The following AGMO variants were observed in gnomAD, a reference collection of about 807,000 sequenced individuals.
AGMO encodes glyceryl-ether monooxygenase.
AGMO carries 75 observed loss-of-function variants against 60.2 expected under a neutral mutation model. The observed-to-expected ratio is 1.25, with a 90% CI of 1.03 to 1.51. AGMO has a LOEUF of 1.51. AGMO is among the 40% of genes most tolerant of loss of function. The pLI, the probability that AGMO is intolerant of heterozygous loss-of-function variation, is 0.00. For missense variants in AGMO, 763 were observed against 525.5 expected (o/e 1.45, Z -4.42); for synonymous variants, 261 against 177.1 (o/e 1.47, Z -3.76).
At chr7:15,287,689 T>C (rs1014483174) in intron 12 of AGMO, among the ~76,000 whole-genome samples, 2 of 152,188 alleles carry the variant, frequency 1.3e-5, no homozygotes, top group Admixed American at 1.3e-4. Context: ...ACTACTTACA[T>C]GTAGGCACCA....
intron 3 of AGMO, among the ~76,000 whole-genome samples, chr7:15,517,355 A>C (rs1455080589): frequency 6.6e-6 from 1 of 150,944 alleles, no homozygotes; most frequent in Admixed American, 6.6e-5. Context: ...TTTTTTATTA[A>C]GGCACCCAGA....
At chr7:15,336,351 G>T (rs1485385972) in intron 12 of AGMO, among the ~76,000 whole-genome samples, 4 of 150,804 alleles carry the variant, frequency 2.7e-5, no homozygotes, top group African/African-American at 9.8e-5. Context: ...CTATTTTAAG[G>T]TTTATTTGTT....
intron 12 of AGMO, among the ~76,000 whole-genome samples, chr7:15,202,975 A>G (rs927184097): frequency 1.4e-4 from 22 of 152,172 alleles, no homozygotes; most frequent in Non-Finnish European, 1.5e-5. Context: ...CTATAATATC[A>G]GAGTAAATAA....
At position 15,430,499 on chromosome 7, in the gene AGMO, T is replaced by C. The variant is rs186566329; in HGVS notation, c.513+506A>G. Among the ~76,000 whole-genome samples the C allele has an allele frequency of 6.5e-4, 99 of 151,740 alleles. 1 individual carries two copies. In the East Asian group the frequency reaches 0.016, roughly 25 times the overall value. On this transcript the variant is annotated intron_variant, in intron 4 of 12. Coordinates refer to ENST00000342526, the MANE Select transcript of AGMO (RefSeq NM_001004320.2). ...TCATTAATCTTGTAATTTCCTTGTGTGAGAATATTTTAGAGCCAAAAATTT... is the reference window on the plus strand; with the variant it reads ...TCATTAATCTTGTAATTTCCTTGTGCGAGAATATTTTAGAGCCAAAAATTT...
intron 10 of AGMO, among the ~76,000 whole-genome samples, chr7:15,378,716 CCACCCAGAGTTCTGG>C (rs1204409808): frequency 6.7e-6 from 1 of 149,332 alleles, no homozygotes; most frequent in Non-Finnish European, 1.5e-5. Flanking sequence ...TCAGAACTCT[CCACCCAGAGTTCTGG>C]GTGGCAAAAT....
At chr7:15,391,191 T>A (rs1157295056) in intron 6 of AGMO, among the ~76,000 whole-genome samples, 4 of 152,154 alleles carry the variant, frequency 2.6e-5, no homozygotes, top group African/African-American at 9.6e-5. Flanking sequence ...AATAATTTTT[T>A]CAGGACCATT....
chr7:15,165,387 A>T, the AGMO span, among the ~76,000 whole-genome samples: 1 of 152,166 alleles, frequency 6.6e-6, no homozygotes, highest in African/African-American at 2.4e-5. Context: ...TATAAACATT[A>T]AAAAATTCTG....
the AGMO span, among the ~76,000 whole-genome samples, chr7:15,128,451 CTG>C: frequency 6.6e-6 from 1 of 151,974 alleles, no homozygotes; most frequent in African/African-American, 2.4e-5. Flanking sequence ...GCCTATAAAA[CTG>C]TTGTTTATAT....
chr7:15,247,457 C>G (rs187736631), intron 12 of AGMO, among the ~76,000 whole-genome samples: 60,105 of 115,994 alleles, frequency 0.52, 15,091 homozygotes, highest in Admixed American at 0.62. Flanking sequence ...CACACACACA[C>G]ACAGAGAGAG....
At chr7:15,285,566 TCA>T in intron 12 of AGMO, among the ~76,000 whole-genome samples, 1 of 152,078 alleles carries the variant, frequency 6.6e-6, no homozygotes, top group East Asian at 1.9e-4. Flanking sequence ...CTGAAAGAAA[TCA>T]CAGATGACAC....
intron 6 of AGMO, among the ~76,000 whole-genome samples, chr7:15,393,324 G>C (rs1784226842): frequency 6.6e-6 from 1 of 152,118 alleles, no homozygotes; most frequent in African/African-American, 2.4e-5. Flanking sequence ...CAGAACAATA[G>C]CATTTACTTA....
intron 3 of AGMO, among the ~76,000 whole-genome samples, chr7:15,529,264 A>G (rs1032609650): frequency 4.0e-5 from 6 of 151,680 alleles, no homozygotes; most frequent in African/African-American, 1.5e-4. Context: ...TTCAACATAC[A>G]TGGAAAGTAT....
At chr7:15,226,196 A>G (rs1782076439) in intron 12 of AGMO, among the ~76,000 whole-genome samples, 1 of 152,032 alleles carries the variant, frequency 6.6e-6, no homozygotes, top group South Asian at 2.1e-4. Context: ...TTTGAACTCT[A>G]TGTTACCTTT....
intron 12 of AGMO, among the ~76,000 whole-genome samples, chr7:15,295,224 T>C (rs577843530): frequency 2.6e-5 from 4 of 152,098 alleles, no homozygotes; most frequent in African/African-American, 9.6e-5. Flanking sequence ...CTCATTCATA[T>C]TAAGAAAATA....
chr7:15,440,526 A>G (rs1410870497), intron 3 of AGMO, among the ~76,000 whole-genome samples: 1 of 152,180 alleles, frequency 6.6e-6, no homozygotes, highest in Non-Finnish European at 1.5e-5. Context: ...ATATTTGCTA[A>G]GGTAGAAAGA....
At chr7:15,238,546 A>G (rs1393948783) in intron 12 of AGMO, among the ~76,000 whole-genome samples, 3 of 151,900 alleles carry the variant, frequency 2.0e-5, no homozygotes, top group East Asian at 1.9e-4. Flanking sequence ...GTACAACTAT[A>G]ATATTAATAT....
intron 12 of AGMO, among the ~76,000 whole-genome samples, chr7:15,354,879 CAT>C (rs78052343): frequency 0.035 from 5,313 of 151,678 alleles, 92 homozygotes; most frequent in Admixed American, 0.052. Context: ...AATATATTCT[CAT>C]ATGTTACATA....
chr7:15,130,657 A>C, the AGMO span, among the ~76,000 whole-genome samples: 1 of 152,150 alleles, frequency 6.6e-6, no homozygotes, highest in African/African-American at 2.4e-5. Flanking sequence ...TAGCTATATA[A>C]TTGTTAGAAT....
intron 2 of AGMO, among the ~76,000 whole-genome samples, chr7:15,545,527 G>C (rs1019311395): frequency 6.6e-6 from 1 of 151,238 alleles, no homozygotes; most frequent in Non-Finnish European, 1.5e-5. Flanking sequence ...TTATCATCAG[G>C]TATTAGATAC....
Sources: allele counts gnomAD v4.1 joint callset (sites outside exome capture counted in the v4.1 genomes callset), GRCh38; gene constraint gnomAD v4.1.1; transcripts MANE v1.5; gene names NCBI Gene and HGNC (gene_info 2026-07-23, HGNC 2026-07-21).